The following ARHGAP22 variants were observed in gnomAD, a reference collection of about 807,000 sequenced individuals.
ARHGAP22 encodes the protein rho GTPase-activating protein 22.
In ARHGAP22, 48 loss-of-function variants were observed where a neutral mutation model predicts 59.1. The observed-to-expected ratio is 0.81, with a 90% CI of 0.64 to 1.03. The LOEUF (loss-of-function observed/expected upper bound fraction) is 1.03. ARHGAP22 is among the 50% of genes least tolerant of loss of function. The pLI is 0.00. For missense variants in ARHGAP22, 1,015 were observed against 958.7 expected, an observed-to-expected ratio of 1.06 and a Z score of -0.78; for synonymous variants, 445 against 416.4, an observed-to-expected ratio of 1.07 and a Z score of -0.84.
chr10:48,573,711 T>C (rs2058537140), intron 2 of ARHGAP22, among the ~76,000 whole-genome samples: 1 of 152,250 alleles, frequency 6.6e-6, no homozygotes, highest in South Asian at 2.1e-4. Context: ...GACAACACTA[T>C]CAACCACAGC....
intron 3 of ARHGAP22, among the ~76,000 whole-genome samples, chr10:48,512,319 G>A (rs956332348): frequency 6.6e-6 from 1 of 152,232 alleles, no homozygotes; most frequent in Non-Finnish European, 1.5e-5. Flanking sequence ...GATAGCCTAT[G>A]GGAATCCCAG....
At chr10:48,586,217 G>T (rs373419193) in intron 1 of ARHGAP22, among the ~76,000 whole-genome samples, 2 of 152,148 alleles carry the variant, frequency 1.3e-5, no homozygotes, top group Non-Finnish European at 2.9e-5. Context: ...TTAAAAAGAC[G>T]TTGGGACCCA....
the ARHGAP22 span, chr10:48,431,136 G>A: frequency 2.6e-5 from 28 of 1,082,356 alleles, no homozygotes; most frequent in Admixed American, 1.1e-4. Flanking sequence ...CCATACATGC[G>A]TTGTGAGATT....
chr10:48,624,716 A>G (rs2061389690), intron 1 of ARHGAP22, among the ~76,000 whole-genome samples: 1 of 152,220 alleles, frequency 6.6e-6, no homozygotes, highest in African/African-American at 2.4e-5. Context: ...TATTATTTTG[A>G]GCCAACTCCA....
intron 1 of ARHGAP22, among the ~76,000 whole-genome samples, 175 bp downstream of exon 1, chr10:48,604,588 C>T (rs1218036382): frequency 6.6e-6 from 1 of 152,234 alleles, no homozygotes; most frequent in Non-Finnish European, 1.5e-5. Context: ...CCCCACCCAG[C>T]CCAGGAGTTT....
rs763119711 is a variant in ARHGAP22, at chr10:48,455,049, C to G, written c.745G>C (p.Glu249Gln). ...PEPVVPFARYEDFLSCAQLLT... is the reference protein window; with the variant it reads ...PEPVVPFARYQDFLSCAQLLT... ...AGCTGGGCGCAGCTGAGGAAGTCCTCGTACCTGGCGAAGGGGACCACGGGC... is the reference window on the plus strand; with the variant it reads ...AGCTGGGCGCAGCTGAGGAAGTCCTGGTACCTGGCGAAGGGGACCACGGGC... The change falls in exon 6 of 10, where the codon GAG (glutamate) becomes CAG (glutamine). Residue 249 changes from glutamate to glutamine, a missense_variant. Glu to Gln is a conservative substitution (Grantham distance 29). Transcript: ENST00000249601. The G allele has an allele frequency of 1.2e-6, 2 of 1,612,006 alleles. No homozygotes were observed. Among genetic ancestry groups the G allele is most frequent in the Non-Finnish European group, 1.7e-6 (2 of 1,179,180 alleles).
In ARHGAP22 at chr10:48,492,332, C is replaced by T. The variant is rs142800412; in HGVS notation, c.323-12568G>A. On this transcript the variant is annotated intron_variant, in intron 3 of 9. Transcript: ENST00000249601. Reference sequence around the variant, plus strand: ...AATGTATGATTTGTCACAGGGCCCACTGTCACTCTCCTGGCTGCCTAGAGC... The same window carrying T: ...AATGTATGATTTGTCACAGGGCCCATTGTCACTCTCCTGGCTGCCTAGAGC... Among the ~76,000 whole-genome samples the T allele has an allele frequency of 5.7e-3, 870 of 152,286 alleles. 2 individuals are homozygous for T. Among genetic ancestry groups the T allele is most frequent in the Non-Finnish European group, 9.5e-3 (645 of 68,018 alleles).
At chr10:48,608,964 A>G (rs1027628315), upstream of ARHGAP22, among the ~76,000 whole-genome samples, 2 of 152,232 alleles carry the variant, frequency 1.3e-5, no homozygotes, top group Admixed American at 6.5e-5. Flanking sequence ...TGGATAATAT[A>G]TACTGGGTTG....
chr10:48,536,900 C>T (rs906898190), intron 3 of ARHGAP22, among the ~76,000 whole-genome samples: 4 of 152,108 alleles, frequency 2.6e-5, no homozygotes, highest in Non-Finnish European at 5.9e-5. Context: ...AATTAGTCCA[C>T]AAATTTCTTT....
intron 3 of ARHGAP22, among the ~76,000 whole-genome samples, chr10:48,502,460 G>A (rs1294682892): frequency 6.6e-6 from 1 of 152,154 alleles, no homozygotes; most frequent in Admixed American, 6.5e-5. Context: ...TTCAGGACAC[G>A]TCCCAGTTTG....
intron 5 of ARHGAP22, 119 bp from the exon 6 acceptor site, chr10:48,455,253 T>TG: frequency 8.1e-7 from 1 of 1,231,610 alleles, no homozygotes; most frequent in East Asian, 2.6e-5. Flanking sequence ...TTGGGCGCAC[T>TG]GGGGGCTGCA....
At chr10:48,479,882 C>A (rs4575219) in intron 3 of ARHGAP22, 118 bp from the exon 4 acceptor site, 1 of 1,009,786 alleles carries the variant, frequency 9.9e-7, no homozygotes, top group Non-Finnish European at 1.4e-6. Context: ...CCAGCAACAG[C>A]TGAGCTTTGC....
intron 8 of ARHGAP22, chr10:48,451,518 T>C: frequency 2.8e-6 from 2 of 702,402 alleles, no homozygotes; most frequent in Non-Finnish European, 5.2e-6. Flanking sequence ...CTGCCCCACG[T>C]CACCCCTCTG....
At chr10:48,513,025 C>T (rs775912066) in intron 3 of ARHGAP22, among the ~76,000 whole-genome samples, 4 of 152,174 alleles carry the variant, frequency 2.6e-5, no homozygotes, top group South Asian at 2.1e-4. Flanking sequence ...CAGAACATTG[C>T]TTTTTCTCTC....
At chr10:48,543,175 G>T (rs560877214) in intron 3 of ARHGAP22, among the ~76,000 whole-genome samples, 1 of 152,164 alleles carries the variant, frequency 6.6e-6, no homozygotes, top group South Asian at 2.1e-4. Context: ...CCCTAGGCCC[G>T]CACAGAGATG....
At chr10:48,515,525 TCAACAAGG>T (rs2053201310) in intron 3 of ARHGAP22, among the ~76,000 whole-genome samples, 1 of 152,034 alleles carries the variant, frequency 6.6e-6, no homozygotes, top group Non-Finnish European at 1.5e-5. Flanking sequence ...AGGCAGAACA[TCAACAAGG>T]AAACAGAAGA....
At chr10:48,634,673 G>A (rs2061744107) in intron 1 of ARHGAP22, among the ~76,000 whole-genome samples, 1 of 152,046 alleles carries the variant, frequency 6.6e-6, no homozygotes, top group African/African-American at 2.4e-5. Flanking sequence ...TGCTTCTCAG[G>A]GCTGACAGCT....
chr10:48,466,875 C>T (rs1472892750), intron 4 of ARHGAP22, among the ~76,000 whole-genome samples: 1 of 152,214 alleles, frequency 6.6e-6, no homozygotes, highest in East Asian at 1.9e-4. Context: ...TCAAACTTCA[C>T]ACCCTTTCCC....
chr10:48,592,240 C>T (rs754585324), intron 1 of ARHGAP22, among the ~76,000 whole-genome samples: 15 of 152,200 alleles, frequency 9.9e-5, no homozygotes, highest in East Asian at 1.9e-4. Flanking sequence ...AGGCTAGACT[C>T]GAACTCCTGG....
Sources: allele counts gnomAD v4.1 joint callset (sites outside exome capture counted in the v4.1 genomes callset), GRCh38; gene constraint gnomAD v4.1.1; transcripts MANE v1.5; gene names NCBI Gene and HGNC (gene_info 2026-07-23, HGNC 2026-07-21).